Variants in PACRG observed in about 807,000 individuals in gnomAD.
PACRG encodes the protein parkin coregulated, also known as parkin coregulated gene protein.
In PACRG, 29 loss-of-function variants were observed where a neutral mutation model predicts 29.7. The observed-to-expected ratio is 0.98, with a 90% CI of 0.73 to 1.33. The LOEUF is 1.33. Ranked by LOEUF, PACRG falls within the 40% of genes most tolerant of loss-of-function variation. The pLI, the probability that PACRG is intolerant of heterozygous loss-of-function variation, is 0.00. For synonymous variants in PACRG, 116 were observed against 118.7 expected (o/e 0.98, Z 0.15); for missense variants, 279 against 316.2 (o/e 0.88, Z 0.89).
intron 2 of PACRG, among the ~76,000 whole-genome samples, chr6:162,928,533 A>T (rs2128103292): frequency 6.6e-6 from 1 of 152,150 alleles, no homozygotes; most frequent in South Asian, 2.1e-4. Flanking sequence ...ATAATTCAAT[A>T]CATTCATGTA....
At chr6:163,236,949 C>T (rs1017519996) in intron 4 of PACRG, among the ~76,000 whole-genome samples, 1 of 152,042 alleles carries the variant, frequency 6.6e-6, no homozygotes, top group Non-Finnish European at 1.5e-5. Context: ...CACACTTTTA[C>T]AACAACCAGA....
chr6:163,301,982 A>G (rs1785022433), intron 4 of PACRG, among the ~76,000 whole-genome samples: 1 of 152,176 alleles, frequency 6.6e-6, no homozygotes, highest in South Asian at 2.1e-4. Flanking sequence ...CTTTGTCCAG[A>G]CTAATCTTAA....
intron 4 of PACRG, among the ~76,000 whole-genome samples, chr6:163,291,070 G>T (rs1784584254): frequency 6.6e-6 from 1 of 152,238 alleles, no homozygotes; most frequent in African/African-American, 2.4e-5. Context: ...GTGCCCGGCT[G>T]CCCAGCGGCC....
intron 2 of PACRG, among the ~76,000 whole-genome samples, chr6:163,058,748 A>C (rs1810821994): frequency 1.3e-5 from 2 of 152,060 alleles, no homozygotes; most frequent in Non-Finnish European, 1.5e-5. Context: ...AAATACAAAA[A>C]ATTTAGCCAG....
chr6:162,791,415 A>C (rs1584369233), intron 1 of PACRG, among the ~76,000 whole-genome samples: 1 of 147,692 alleles, frequency 6.8e-6, no homozygotes, highest in Non-Finnish European at 1.5e-5. Context: ...TCTCTACCCC[A>C]TAGGTAATTT....
chr6:163,194,557 G>A (rs965315580), intron 4 of PACRG, among the ~76,000 whole-genome samples: 2 of 152,250 alleles, frequency 1.3e-5, no homozygotes, highest in East Asian at 1.9e-4. Flanking sequence ...TGGACTTGAC[G>A]GGGACCCTGA....
chr6:163,147,871 T>C (rs963628660), intron 4 of PACRG, among the ~76,000 whole-genome samples: 1 of 152,196 alleles, frequency 6.6e-6, no homozygotes, highest in Non-Finnish European at 1.5e-5. Flanking sequence ...AGCACCTTTC[T>C]TTACCAACCA....
intron 4 of PACRG, among the ~76,000 whole-genome samples, chr6:163,210,136 G>C (rs891262707): frequency 9.2e-5 from 14 of 152,292 alleles, no homozygotes; most frequent in African/African-American, 3.4e-4. Flanking sequence ...TCTTATTAAA[G>C]ATTACAGAGC....
intron 2 of PACRG, among the ~76,000 whole-genome samples, chr6:162,868,081 A>C (rs1231242208): frequency 2.0e-5 from 3 of 152,160 alleles, no homozygotes; most frequent in Non-Finnish European, 4.4e-5. Flanking sequence ...TTTAAGCTGG[A>C]TCTCTCACTG....
At chr6:163,098,464 A>G (rs1814800452) in intron 4 of PACRG, among the ~76,000 whole-genome samples, 1 of 152,086 alleles carries the variant, frequency 6.6e-6, no homozygotes, top group Non-Finnish European at 1.5e-5. Context: ...ATTATTCCCA[A>G]TCTGCCTTGC....
intron 4 of PACRG, among the ~76,000 whole-genome samples, chr6:163,136,062 AT>A (rs1816925250): frequency 6.6e-6 from 1 of 152,114 alleles, no homozygotes; most frequent in South Asian, 2.1e-4. Context: ...TTTTGTGCCT[AT>A]TTATTCGGTC....
At chr6:163,067,137 G>C (rs533951084) in intron 3 of PACRG, among the ~76,000 whole-genome samples, 4 of 152,098 alleles carry the variant, frequency 2.6e-5, no homozygotes, top group African/African-American at 4.8e-5. Context: ...CAGCCTTCCT[G>C]CTGTAGCACC....
chr6:162,929,326 T>C (rs541569003), intron 2 of PACRG, among the ~76,000 whole-genome samples: 2 of 152,164 alleles, frequency 1.3e-5, no homozygotes, highest in Admixed American at 6.6e-5. Context: ...AGATGTTTCA[T>C]TGTGGTTTGA....
intron 2 of PACRG, among the ~76,000 whole-genome samples, chr6:162,981,783 A>G (rs1216354566): frequency 6.6e-6 from 1 of 151,220 alleles, no homozygotes; most frequent in Non-Finnish European, 1.5e-5. Flanking sequence ...TAAGTATTTT[A>G]TTTTATTTAT....
intron 2 of PACRG, among the ~76,000 whole-genome samples, chr6:162,878,148 ATGTT>A (rs1417046668): frequency 1.3e-5 from 2 of 152,198 alleles, no homozygotes; most frequent in Non-Finnish European, 2.9e-5. Context: ...ATAACTTTAA[ATGTT>A]TGTAAGATGC....
intron 2 of PACRG, among the ~76,000 whole-genome samples, chr6:162,997,182 G>A (rs1197905474): frequency 6.6e-6 from 1 of 152,104 alleles, no homozygotes; most frequent in African/African-American, 2.4e-5. Flanking sequence ...CAGAAAATAT[G>A]TCATGCTCAA....
intron 2 of PACRG, among the ~76,000 whole-genome samples, chr6:162,992,707 A>AT (rs2128186751): frequency 8.8e-6 from 1 of 113,862 alleles, no homozygotes; most frequent in Admixed American, 9.2e-5. Flanking sequence ...GGATTCATTG[A>AT]TTTTTTGAAG....
intron 4 of PACRG, among the ~76,000 whole-genome samples, chr6:163,169,179 C>T (rs2128345852): frequency 6.6e-6 from 1 of 152,320 alleles, no homozygotes; most frequent in African/African-American, 2.4e-5. Context: ...TCCCAGTTGT[C>T]CTTTTTCTAA....
At chr6:162,756,587 A>C (rs577415743) in intron 1 of PACRG, among the ~76,000 whole-genome samples, 1 of 152,208 alleles carries the variant, frequency 6.6e-6, no homozygotes, top group East Asian at 1.9e-4. Context: ...TCTTTTTTTA[A>C]AAATTTATTT....
Sources: allele counts gnomAD v4.1 joint callset (sites outside exome capture counted in the v4.1 genomes callset), GRCh38; gene constraint gnomAD v4.1.1; transcripts MANE v1.5; gene names NCBI Gene and HGNC (gene_info 2026-07-23, HGNC 2026-07-21).